Variants in DGKB observed in about 807,000 individuals in gnomAD.
The protein encoded by DGKB is 90 kDa diacylglycerol kinase.
A neutral mutation model predicts 114.3 loss-of-function variants in DGKB; 67 were observed. The ratio of observed to expected loss-of-function variants is 0.59; its 90% CI spans 0.48 to 0.72. DGKB has a LOEUF of 0.72. Among genes scored for constraint, DGKB ranks in the 30% least tolerant of loss-of-function variants. The pLI is 0.00. For missense variants in DGKB, 907 were observed against 975.2 expected, an observed-to-expected ratio of 0.93 and a Z score of 0.93; for synonymous variants, 398 against 323.1, an observed-to-expected ratio of 1.23 and a Z score of -2.49.
chr7:14,557,730 A>T (rs555761544), intron 20 of DGKB, among the ~76,000 whole-genome samples: 49 of 152,084 alleles, frequency 3.2e-4, no homozygotes, highest in African/African-American at 1.1e-3. Context: ...TACCTAAAAA[A>T]AAATTTAAAT....
chr7:14,744,123 T>C (rs960023653), intron 4 of DGKB, among the ~76,000 whole-genome samples: 1 of 152,208 alleles, frequency 6.6e-6, no homozygotes, highest in Non-Finnish European at 1.5e-5. Context: ...TTTTGAGCTA[T>C]TTACAGTCTT....
intron 1 of DGKB, among the ~76,000 whole-genome samples, chr7:14,967,206 T>C (rs1357742142): frequency 6.6e-6 from 1 of 152,204 alleles, no homozygotes; most frequent in Non-Finnish European, 1.5e-5. Flanking sequence ...AATCCATATG[T>C]GCTGGAGAAA....
chr7:14,283,723 A>G, intron 23 of DGKB, among the ~76,000 whole-genome samples: 1 of 152,160 alleles, frequency 6.6e-6, no homozygotes, highest in Non-Finnish European at 1.5e-5. Context: ...ATCTACAACT[A>G]TCTGATGTTT....
intron 2 of DGKB, among the ~76,000 whole-genome samples, chr7:14,837,319 C>A (rs1847294833): frequency 6.6e-6 from 1 of 152,030 alleles, no homozygotes; most frequent in South Asian, 2.1e-4. Flanking sequence ...TGCATTCTGG[C>A]AATTGTGGAG....
At chr7:14,661,591 T>C (rs1817090946) in intron 13 of DGKB, among the ~76,000 whole-genome samples, 1 of 151,966 alleles carries the variant, frequency 6.6e-6, no homozygotes, top group Admixed American at 6.6e-5. Context: ...ATAGGAACAC[T>C]TTTACACTGC....
At chr7:14,681,456 TGAGA>T (rs140929579) in intron 12 of DGKB, among the ~76,000 whole-genome samples, 1 of 151,568 alleles carries the variant, frequency 6.6e-6, no homozygotes, top group East Asian at 1.9e-4. Context: ...TGTGTGTGTG[TGAGA>T]GAGAGAGAAA....
At chr7:14,318,792 T>C (rs1437802818) in intron 23 of DGKB, among the ~76,000 whole-genome samples, 3 of 152,144 alleles carry the variant, frequency 2.0e-5, no homozygotes, top group Non-Finnish European at 4.4e-5. Context: ...ACTGGGTATA[T>C]ACCCAAAGGA....
chr7:14,710,494 G>C (rs1395506476), intron 6 of DGKB, among the ~76,000 whole-genome samples: 2 of 151,866 alleles, frequency 1.3e-5, no homozygotes, highest in Non-Finnish European at 2.9e-5. Flanking sequence ...GATTTTTCTT[G>C]CCTTATTGCC....
rs577185074 is a variant in DGKB, at chr7:14,968,157, GTTC to G, written c.-188+6536_-188+6538del. On this transcript the variant is annotated intron_variant, in intron 1 of 4. Transcript: ENST00000437998. ...TTATCTCAAGACAAGTTTGATCTTT[GTTC>G]TTGTCTTTTTTTTCAACAAAACATT... 4.2e-4 allele frequency among the ~76,000 whole-genome samples: 63 copies of G among 150,324 alleles called. 1 individual carries two copies. The East Asian group carries it at 0.011, about 26-fold the overall frequency.
chr7:14,361,073 T>TA (rs932870626), intron 21 of DGKB, among the ~76,000 whole-genome samples: 3 of 151,846 alleles, frequency 2.0e-5, no homozygotes, highest in Non-Finnish European at 2.9e-5. Context: ...CTTCACAACT[T>TA]AAAAAAAATA....
chr7:14,608,807 A>G (rs1804987133), intron 16 of DGKB, among the ~76,000 whole-genome samples: 1 of 151,954 alleles, frequency 6.6e-6, no homozygotes, highest in Non-Finnish European at 1.5e-5. Context: ...AGAATACAAT[A>G]TCATTTACAA....
intron 23 of DGKB, among the ~76,000 whole-genome samples, chr7:14,319,290 T>TA (rs71033987): frequency 0.82 from 123,438 of 150,174 alleles, 51,241 homozygotes; most frequent in African/African-American, 0.95. Flanking sequence ...AGTATAATAA[T>TA]AAAAAAAAAT....
At chr7:14,829,784 A>C (rs139821853) in intron 2 of DGKB, among the ~76,000 whole-genome samples, 14 of 152,272 alleles carry the variant, frequency 9.2e-5, no homozygotes, top group Admixed American at 4.6e-4. Flanking sequence ...AGATGCCTTC[A>C]CTAGAAAGCA....
chr7:14,212,440 A>ATGTTTTGTGATTTTATTTACTCTCG (rs146804723), intron 23 of DGKB, among the ~76,000 whole-genome samples: 1 of 107,220 alleles, frequency 9.3e-6, no homozygotes, highest in Non-Finnish European at 2.3e-5. Flanking sequence ...ATTTACTCTC[A>ATGTTTTGTGATTTTATTTACTCTCG]TGTTTTGTGT....
At chr7:14,866,533 G>T (rs764230008) in intron 1 of DGKB, among the ~76,000 whole-genome samples, 1 of 152,036 alleles carries the variant, frequency 6.6e-6, no homozygotes, top group Non-Finnish European at 1.5e-5. Context: ...TTGCATTTAA[G>T]TTTCCTCTAT....
chr7:14,729,317 T>TTTC, intron 5 of DGKB, among the ~76,000 whole-genome samples: 1 of 151,550 alleles, frequency 6.6e-6, no homozygotes, highest in Non-Finnish European at 1.5e-5. Context: ...AGAGACCAGG[T>TTTC]TTCACCGTGT....
intron 23 of DGKB, among the ~76,000 whole-genome samples, chr7:14,225,158 AT>A (rs1790589097): frequency 6.6e-6 from 1 of 151,970 alleles, no homozygotes; most frequent in Non-Finnish European, 1.5e-5. Flanking sequence ...TCTATGACAA[AT>A]TAAGTCAGTT....
intron 18 of DGKB, among the ~76,000 whole-genome samples, chr7:14,581,798 A>C (rs572337034): frequency 1.3e-5 from 2 of 152,272 alleles, no homozygotes; most frequent in South Asian, 4.1e-4. Context: ...CAAGCTAAGA[A>C]TTCCTGCTGT....
At chr7:14,277,393 G>A (rs532078356) in intron 23 of DGKB, among the ~76,000 whole-genome samples, 3 of 152,012 alleles carry the variant, frequency 2.0e-5, no homozygotes, top group South Asian at 2.1e-4. Context: ...GGCTGGTCTC[G>A]AACGCCTGGC....
Sources: allele counts gnomAD v4.1 joint callset (sites outside exome capture counted in the v4.1 genomes callset), GRCh38; gene constraint gnomAD v4.1.1; transcripts MANE v1.5; gene names NCBI Gene and HGNC (gene_info 2026-07-23, HGNC 2026-07-21).